AKNA: variants seen among roughly 807,000 people sequenced by gnomAD.
AKNA encodes AT-hook transcription factor, also known as microtubule organization protein AKNA.
Under a neutral mutation model 138.8 loss-of-function variants are expected in AKNA, and 67 were observed. That is an observed-to-expected ratio of 0.48 (90% CI 0.40 to 0.59). The LOEUF is 0.59. Among genes scored for constraint, AKNA ranks in the 20% least tolerant of loss-of-function variants. The probability of loss-of-function intolerance (pLI) is 0.00; values close to 1 mark genes in which losing one functional copy is unlikely to be tolerated. For synonymous variants in AKNA, 737 were observed against 754.4 expected, an observed-to-expected ratio of 0.98 and a Z score of 0.38; for missense variants, 1,813 against 1,880.4, an observed-to-expected ratio of 0.96 and a Z score of 0.66.
intron 14 of AKNA, 105 bp from the exon 15 acceptor site, chr9:114,351,126 G>C (rs1367850271): frequency 1.6e-5 from 19 of 1,199,820 alleles, no homozygotes; most frequent in Middle Eastern, 2.6e-4. Flanking sequence ...ACGGTGCCTA[G>C]TTCAAGGTCA....
rs138693566 is a variant in AKNA, at chr9:114,341,652, C to A, written c.3948G>T (p.Gly1316=). Residue 1316 remains glycine (G), a synonymous_variant, in exon 21 of 22, where the codon GGG becomes GGT. Coordinates refer to ENST00000374088, the MANE Select transcript of AKNA (RefSeq NM_001317950.2). ...PSPKQRSKQA[G]SSPRPPPGLW... ...GTCCGGGGGGTGGGCGTGGCGACGACCCCGCCTGCTTGCTCCTCTGCTTGG... is the reference window on the plus strand; with the variant it reads ...GTCCGGGGGGTGGGCGTGGCGACGAACCCGCCTGCTTGCTCCTCTGCTTGG... 1.5e-5 allele frequency: 24 copies of A among 1,609,810 alleles called. No individual in the cohort carries two copies. Among genetic ancestry groups the A allele is most frequent in the Non-Finnish European group, 1.8e-5 (21 of 1,178,512 alleles).
downstream of AKNA, chr9:114,330,539 A>C (rs1465520163): frequency 6.2e-7 from 1 of 1,612,504 alleles, no homozygotes; most frequent in East Asian, 2.2e-5. Flanking sequence ...CCCCAACAAG[A>C]CAGAGGACAC....
intron 14 of AKNA, among the ~76,000 whole-genome samples, chr9:114,353,600 T>C (rs927401478): frequency 2.6e-5 from 4 of 152,226 alleles, no homozygotes; most frequent in African/African-American, 9.7e-5. Context: ...CATCACTTAA[T>C]ATTGGGTATA....
At chr9:114,392,320 T>C (rs1834378771), upstream of AKNA, among the ~76,000 whole-genome samples, 1 of 152,220 alleles carries the variant, frequency 6.6e-6, no homozygotes, top group Admixed American at 6.5e-5. Flanking sequence ...GATTATCTTC[T>C]AATGCTAAAC....
upstream of AKNA, among the ~76,000 whole-genome samples, chr9:114,395,159 GA>G (rs1169361949): frequency 6.6e-6 from 1 of 152,206 alleles, no homozygotes; most frequent in East Asian, 1.9e-4. Context: ...AGCCTGGGTA[GA>G]TCAGCCCTTT....
At chr9:114,379,615 A>G (rs755777282) in intron 2 of AKNA, among the ~76,000 whole-genome samples, 3 of 152,200 alleles carry the variant, frequency 2.0e-5, no homozygotes, top group Non-Finnish European at 2.9e-5. Context: ...GAGTCACAGG[A>G]CCCTAAAACA....
chr9:114,341,150 A>G (rs920961956), intron 21 of AKNA, among the ~76,000 whole-genome samples: 1 of 152,172 alleles, frequency 6.6e-6, no homozygotes, highest in South Asian at 2.1e-4. Flanking sequence ...AAACTGTCCT[A>G]AAAAATAAAG....
intron 1 of AKNA, among the ~76,000 whole-genome samples, chr9:114,382,204 G>A (rs1341159236): frequency 6.6e-6 from 1 of 152,166 alleles, no homozygotes; most frequent in Non-Finnish European, 1.5e-5. Flanking sequence ...AGGGAAGTCT[G>A]GTGATCCCAG....
intron 14 of AKNA, among the ~76,000 whole-genome samples, chr9:114,355,547 T>G (rs1324003514): frequency 2.0e-5 from 3 of 152,088 alleles, no homozygotes; most frequent in African/African-American, 7.2e-5. Context: ...AACATGTGAG[T>G]GAAGTGTTGC....
Position 114,358,327 on chromosome 9 carries a change from G to A in AKNA, c.2493-160C>T, listed in dbSNP as rs560803317. 13 of 924,806 alleles carry A rather than the reference G, an allele frequency of 1.4e-5. No individual in the cohort carries two copies. In the East Asian group the frequency reaches 2.0e-4, roughly 14 times the overall value. 57.3% of individuals were successfully genotyped at this position (924,806 alleles called of 1,614,324 possible). ...GCCACCTTCTAGCTGTGTGACCTAG[G>A]GCAAGGCACTTCCCCTCTCTCAACC... On this transcript the variant is annotated intron_variant, in intron 11 of 21. Coordinates refer to ENST00000374088, the MANE Select transcript of AKNA (RefSeq NM_001317950.2).
At position 114,338,488 on chromosome 9, in the gene AKNA, T is replaced by C. The variant is rs535973334; in HGVS notation, c.4068-1182A>G. 3.3e-5 allele frequency among the ~76,000 whole-genome samples: 5 copies of C among 152,346 alleles called. No individual in the cohort carries two copies. The East Asian group carries it at 7.7e-4, about 24-fold the overall frequency. On this transcript the variant is annotated intron_variant, in intron 21 of 21. Coordinates refer to ENST00000374088, the MANE Select transcript of AKNA (RefSeq NM_001317950.2). ...CAGTTCCTCCAACAGTTAAACCCAGTGCCTAGCCCAGGGCTGGCATCCTCA... is the reference window on the plus strand; with the variant it reads ...CAGTTCCTCCAACAGTTAAACCCAGCGCCTAGCCCAGGGCTGGCATCCTCA...
chr9:114,383,957 C>T (rs1833860965), intron 1 of AKNA, among the ~76,000 whole-genome samples: 1 of 152,136 alleles, frequency 6.6e-6, no homozygotes, highest in South Asian at 2.1e-4. Context: ...CAATTTCCTC[C>T]AGATCACCCT....
intron 6 of AKNA, among the ~76,000 whole-genome samples, chr9:114,366,750 G>A (rs1332562384): frequency 6.6e-6 from 1 of 151,522 alleles, no homozygotes; most frequent in Non-Finnish European, 1.5e-5. Flanking sequence ...GGAGAGGAGA[G>A]GAGGGAAGGG....
At chr9:114,374,788 G>T (rs1475852954) in intron 3 of AKNA, among the ~76,000 whole-genome samples, 1 of 152,216 alleles carries the variant, frequency 6.6e-6, no homozygotes, top group African/African-American at 2.4e-5. Flanking sequence ...CTGAAAACGG[G>T]TCGGTAACTA....
In AKNA at chr9:114,359,678, G is replaced by A. The variant is rs568309633; in HGVS notation, c.2408C>T (p.Ala803Val). The A allele has an allele frequency of 6.2e-7, 1 of 1,613,408 alleles. No homozygotes were observed. The highest frequency in any genetic ancestry group is 1.3e-5 in the African/African-American group (1 of 75,022). Residue 803 changes from alanine (A) to valine (V), a missense_variant, in exon 11 of 22, where the codon GCA becomes GTA. Ala to Val is a moderately conservative substitution (Grantham distance 64). Transcript: ENST00000374088. ...GGTGGCCTCTGCTTTCCCTGGAGTT[G>A]CAGCCACCCCATCAACTTCCAGGGA... Reference protein sequence around the residue: ...GDSLEVDGVAATPGKAEATRV... With the variant: ...GDSLEVDGVAVTPGKAEATRV...
intron 6 of AKNA, 32 bp from the exon 7 acceptor site, chr9:114,364,651 C>T (rs776076647): frequency 1.2e-6 from 2 of 1,609,874 alleles, no homozygotes; most frequent in South Asian, 2.2e-5. Context: ...AAATATGCTC[C>T]ATTAATCCAG....
intron 1 of AKNA, among the ~76,000 whole-genome samples, chr9:114,386,271 G>A (rs370798711): frequency 2.0e-5 from 3 of 151,968 alleles, no homozygotes; most frequent in Non-Finnish European, 2.9e-5. Context: ...GATTTTAAAC[G>A]GTGGGGGGTA....
At chr9:114,357,292 G>A (rs1023707660) in intron 12 of AKNA, among the ~76,000 whole-genome samples, 3 of 152,232 alleles carry the variant, frequency 2.0e-5, no homozygotes, top group Non-Finnish European at 4.4e-5. Flanking sequence ...CTTATTTCCA[G>A]TGTCTCCTGG....
Position 114,338,717 on chromosome 9 carries a change from C to T in AKNA, c.4068-1411G>A, listed in dbSNP as rs188904062. ...CAAGCTAAGTCACTTTGCAAGGCCT[C>T]TGTTTTCCCACCTAAAACGACCACA... On this transcript the variant is annotated intron_variant, in intron 21 of 21. Coordinates refer to ENST00000374088, the MANE Select transcript of AKNA (RefSeq NM_001317950.2). 2.3e-3 allele frequency among the ~76,000 whole-genome samples: 350 copies of T among 152,302 alleles called. 3 individuals are homozygous for T. Among genetic ancestry groups the T allele is most frequent in the Non-Finnish European group, 2.7e-3 (184 of 68,030 alleles).
Sources: allele counts gnomAD v4.1 joint callset (sites outside exome capture counted in the v4.1 genomes callset), GRCh38; gene constraint gnomAD v4.1.1; transcripts MANE v1.5; gene names NCBI Gene and HGNC (gene_info 2026-07-23, HGNC 2026-07-21).